Variants in EMILIN1 observed in about 807,000 individuals in gnomAD.
The protein encoded by EMILIN1 is elastin microfibril interfacer 1.
EMILIN1 carries 49 observed loss-of-function variants against 82.4 expected under a neutral mutation model. The observed-to-expected ratio is 0.59, with a 90% confidence interval of 0.47 to 0.75. The LOEUF (loss-of-function observed/expected upper bound fraction) is 0.75, where lower values mean the gene tolerates loss of function less well. EMILIN1 is among the 30% of genes least tolerant of loss of function. EMILIN1 has a pLI of 0.00. For synonymous variants in EMILIN1, 604 were observed against 602.2 expected (o/e 1.00, Z -0.04); for missense variants, 1,313 against 1,366.4 (o/e 0.96, Z 0.62).
chr2:27,083,304 G>T lies in EMILIN1; in HGVS notation c.1733G>T (p.Gly578Val), dbSNP rs778758313. Reference protein sequence around the residue: ...GQLEGLLQAHGDEGCGACGGV... With the variant: ...GQLEGLLQAHVDEGCGACGGV... ...CTGGAGGGGCTGCTGCAGGCCCATGGGGATGAGGGCTGTGGGGCCTGTGGC... is the reference window on the plus strand; with the variant it reads ...CTGGAGGGGCTGCTGCAGGCCCATGTGGATGAGGGCTGTGGGGCCTGTGGC... Residue 578 changes from glycine to valine, a missense_variant, in exon 4 of 8, where the codon GGG becomes GTG. Gly to Val is a moderately radical substitution (Grantham distance 109, BLOSUM62 -3). Coordinates refer to ENST00000380320, the MANE Select transcript of EMILIN1 (RefSeq NM_007046.4). 6.2e-7 allele frequency: 1 copy of T among 1,613,284 alleles called. No individual in the cohort carries two copies. The highest frequency in any genetic ancestry group is 1.1e-5 in the South Asian group (1 of 91,082).
Position 27,083,844 on chromosome 2 carries a change from T to TCTGGG in EMILIN1, c.2281_2285dup (p.Arg763GlyfsTer49). ...GGCCTTTCCAGACACGTGGCTGGGC[T>TCTGGG]CTGGGCTGGGCTCCGGGAAACCAAC... On this transcript the variant is annotated frameshift_variant, in exon 4 of 8. Transcript: ENST00000380320. LOFTEE classifies it high-confidence loss of function. The TCTGGG allele has an allele frequency of 6.2e-7, 1 of 1,603,282 alleles. No individual in the cohort carries two copies. Among genetic ancestry groups the TCTGGG allele is most frequent in the Non-Finnish European group, 8.5e-7 (1 of 1,172,166 alleles).
In EMILIN1 at chr2:27,078,947, A is replaced by G; in HGVS notation, c.-119A>G. 1.3e-6 allele frequency: 1 copy of G among 743,580 alleles called. No individual in the cohort carries two copies. Among genetic ancestry groups the G allele is most frequent in the East Asian group, 3.3e-5 (1 of 29,852 alleles). 46.1% of individuals were successfully genotyped at this position (743,580 alleles called of 1,614,324 possible). On this transcript the variant is annotated 5_prime_UTR_variant, in exon 1 of 8. Coordinates refer to ENST00000380320, the MANE Select transcript of EMILIN1 (RefSeq NM_007046.4). ...TGTGGCCGGGGGCTATCAGAAGGAA[A>G]CTGGGACGGACGGGCCGGGCTCGGG...
chr2:27,083,700 T>C lies in EMILIN1; in HGVS notation c.2129T>C (p.Leu710Pro), dbSNP rs1343936941. The C allele has an allele frequency of 1.9e-6, 3 of 1,613,784 alleles. No individual in the cohort carries two copies. Among genetic ancestry groups the C allele is most frequent in the African/African-American group, 2.7e-5 (2 of 74,888 alleles). Residue 710 changes from leucine to proline, a missense_variant, in exon 4 of 8, where the codon CTA becomes CCA. Coordinates refer to ENST00000380320, the MANE Select transcript of EMILIN1 (RefSeq NM_007046.4). Reference sequence around the variant, plus strand: ...GAGAGTGAAGAGCGCTTCCGAGGCCTAGAGGAGGGACAAGCACAGGCCGGC... The same window carrying C: ...GAGAGTGAAGAGCGCTTCCGAGGCCCAGAGGAGGGACAAGCACAGGCCGGC... ...ATESEERFRGLEEGQAQAGQC... is the reference protein window; with the variant it reads ...ATESEERFRGPEEGQAQAGQC...
rs762373342 is a variant in EMILIN1, at chr2:27,079,028, G to A, written c.-38G>A. The A allele has an allele frequency of 3.9e-5, 58 of 1,478,384 alleles. No individual in the cohort carries two copies. The highest frequency in any genetic ancestry group is 1.1e-4 in the East Asian group (4 of 37,776). 91.6% of individuals were successfully genotyped at this position (1,478,384 alleles called of 1,614,324 possible). On this transcript the variant is annotated 5_prime_UTR_variant, in exon 1 of 8. Transcript: ENST00000380320. ...CCGGCAGAGGCGCCAGTGGCTGGGC[G>A]GGATGAGTCTCTGAGGGCCACTGTG... is the stretch of plus-strand genomic sequence containing the variant.
chr2:27,083,131 G>T lies in EMILIN1; in HGVS notation c.1560G>T (p.Thr520=). ...GGCTGGTGGGCTCCGGCCTGCACAC[G>T]GTGGAAGCAGCGGGGGAGGCCCGGC... ...QLRLVGSGLH[T]VEAAGEARQA... is the part of the protein sequence containing the mutation. The change falls in exon 4 of 8, where the codon ACG becomes ACT. Residue 520 remains threonine, a synonymous_variant. Coordinates refer to ENST00000380320, the MANE Select transcript of EMILIN1 (RefSeq NM_007046.4). 1 of 1,586,168 alleles carries T rather than the reference G, an allele frequency of 6.3e-7. No individual in the cohort carries two copies. Among genetic ancestry groups the T allele is most frequent in the Non-Finnish European group, 8.6e-7 (1 of 1,164,864 alleles).
At position 27,080,800 on chromosome 2, in the gene EMILIN1, G is replaced by T; in HGVS notation, c.359G>T (p.Cys120Phe). 1 of 1,613,784 alleles carries T rather than the reference G, an allele frequency of 6.2e-7. No homozygotes were observed. The highest frequency in any genetic ancestry group is 8.5e-7 in the Non-Finnish European group (1 of 1,179,972). The change falls in exon 3 of 8, where the codon TGC (cysteine) becomes TTC (phenylalanine). Residue 120 changes from cysteine (C) to phenylalanine (F), a missense_variant. Physicochemically the swap from Cys to Phe is radical, Grantham distance 205 (BLOSUM62 -2). Coordinates refer to ENST00000380320, the MANE Select transcript of EMILIN1 (RefSeq NM_007046.4). Reference sequence around the variant, plus strand: ...ACAGTGACCGACATGGAGTGGAGGTGCTGTCAGGGTTATGGGGGCGATGAC... The same window carrying T: ...ACAGTGACCGACATGGAGTGGAGGTTCTGTCAGGGTTATGGGGGCGATGAC... The part of the protein sequence containing the change: ...YKTVTDMEWR[C>F]CQGYGGDDCA...
In EMILIN1 at chr2:27,082,800, T is replaced by C; in HGVS notation, c.1229T>C (p.Leu410Pro). 1 of 1,551,892 alleles carries C rather than the reference T, an allele frequency of 6.4e-7. No individual in the cohort carries two copies. The highest frequency in any genetic ancestry group is 1.2e-5 in the South Asian group (1 of 85,416). Residue 410 changes from leucine to proline, a missense_variant, in exon 4 of 8, where the codon CTG (leucine) becomes CCG (proline). By Grantham distance (98) the Leu-to-Pro change is moderately conservative. Coordinates refer to ENST00000380320, the MANE Select transcript of EMILIN1 (RefSeq NM_007046.4). ...YTSLASRLSR[L>P]EDRFNSTLGP... Reference sequence around the variant, plus strand: ...AGCTTGGCCTCCCGCCTGTCTCGCCTGGAGGACCGCTTCAACTCCACCCTG... The same window carrying C: ...AGCTTGGCCTCCCGCCTGTCTCGCCCGGAGGACCGCTTCAACTCCACCCTG...
Position 27,085,811 on chromosome 2 carries a change from G to A in EMILIN1, c.2847G>A (p.Glu949=), listed in dbSNP as rs1669612363. The change falls in exon 8 of 8, where the codon GAG becomes GAA. Residue 949 remains glutamate (E), a synonymous_variant. Coordinates refer to ENST00000380320, the MANE Select transcript of EMILIN1 (RefSeq NM_007046.4). The part of the protein sequence containing the change: ...GVARVDSGGY[E]PEGLENKPVA... ...CCCGCGTAGACTCCGGTGGCTACGA[G>A]CCTGAGGGCCTGGAGAATAAGCCGG... is the stretch of plus-strand genomic sequence containing the variant. 3 of 1,612,170 alleles carry A rather than the reference G, an allele frequency of 1.9e-6. No homozygotes were observed. The highest frequency in any genetic ancestry group is 1.7e-5 in the Admixed American group (1 of 59,960).
At position 27,080,832 on chromosome 2, in the gene EMILIN1, G is replaced by A. The variant is rs1558432695; in HGVS notation, c.391G>A (p.Glu131Lys). The change falls in exon 3 of 8, where the codon GAG becomes AAG. Residue 131 changes from glutamate (E) to lysine (K), a missense_variant. Physicochemically the swap from Glu to Lys is moderately conservative, Grantham distance 56. Transcript: ENST00000380320. ...CQGYGGDDCA[E>K]SPAPALGPAS... ...GGGTTATGGGGGCGATGACTGTGCTGAGAGTCCCGCTCCAGCGCTGGGGCC... is the reference window on the plus strand; with the variant it reads ...GGGTTATGGGGGCGATGACTGTGCTAAGAGTCCCGCTCCAGCGCTGGGGCC... 1 of 1,613,248 alleles carries A rather than the reference G, an allele frequency of 6.2e-7. No individual in the cohort carries two copies. Among genetic ancestry groups the A allele is most frequent in the Non-Finnish European group, 8.5e-7 (1 of 1,179,846 alleles).
chr2:27,079,177 GC>G lies in EMILIN1; in HGVS notation c.115del (p.Leu39SerfsTer26), dbSNP rs751000215. The G allele has an allele frequency of 6.3e-7, 1 of 1,585,310 alleles. No individual in the cohort carries two copies. The highest frequency in any genetic ancestry group is 8.5e-7 in the Non-Finnish European group (1 of 1,169,762). On this transcript the variant is annotated frameshift_variant, in exon 1 of 8. Transcript: ENST00000380320. LOFTEE classifies it high-confidence loss of function. ...CAGCCTCTACACAGGTTCCAGTGGG[GC>G]CCTCAGCCCCGGGGGGCCCCAGGCC... is the stretch of plus-strand genomic sequence containing the variant. ...GFSLYTGSSG[A>X]LSPGGPQAQI...
Position 27,083,879 on chromosome 2 carries a change from CA to C in EMILIN1, c.2309del (p.Gln770ArgfsTer40). ...AGLRETNTTS[Q>X]MQAALLEKLV... ...GCTCCGGGAAACCAACACCACCAGC[CA>C]GATGCAGGCAGCCCTGCTGGAGAAG... is the stretch of plus-strand genomic sequence containing the variant. On this transcript the variant is annotated frameshift_variant, in exon 4 of 8. Transcript: ENST00000380320. LOFTEE classifies it high-confidence loss of function. 1 of 1,609,008 alleles carries C rather than the reference CA, an allele frequency of 6.2e-7. No homozygotes were observed. Among genetic ancestry groups the C allele is most frequent in the Non-Finnish European group, 8.5e-7 (1 of 1,176,478 alleles).
Position 27,086,079 on chromosome 2 carries a change from G to T in EMILIN1, c.*64G>T, listed in dbSNP as rs1669626274. On this transcript the variant is annotated 3_prime_UTR_variant, in exon 8 of 8. Transcript: ENST00000380320. ...GACAGCGGGGGCGGCGGGCTCCTGGGGTCTCGCCTGAGACGGGGCACCTAG... is the reference window on the plus strand; with the variant it reads ...GACAGCGGGGGCGGCGGGCTCCTGGTGTCTCGCCTGAGACGGGGCACCTAG... 1.1e-5 allele frequency: 14 copies of T among 1,265,228 alleles called. No homozygotes were observed. The highest frequency in any genetic ancestry group is 1.5e-5 in the Non-Finnish European group (14 of 957,520). The allele number at this position is 1,265,228 out of a possible 1,614,324, so 78.4% of individuals were successfully genotyped here.
Position 27,082,190 on chromosome 2 carries a change from G to A in EMILIN1, c.619G>A (p.Ala207Thr). 1.2e-6 allele frequency: 2 copies of A among 1,613,674 alleles called. No individual in the cohort carries two copies. The highest frequency in any genetic ancestry group is 1.7e-6 in the Non-Finnish European group (2 of 1,180,020). The change falls in exon 4 of 8, where the codon GCA (alanine) becomes ACA (threonine). Residue 207 changes from alanine (A) to threonine (T), a missense_variant. Physicochemically the swap from Ala to Thr is moderately conservative, Grantham distance 58 (BLOSUM62 0). Coordinates refer to ENST00000380320, the MANE Select transcript of EMILIN1 (RefSeq NM_007046.4). Reference sequence around the variant, plus strand: ...CCTGCAAGGACTGAGCGGGCGCCTGGCAGAGGATGTGCAGAGGGCTGTGGA... The same window carrying A: ...CCTGCAAGGACTGAGCGGGCGCCTGACAGAGGATGTGCAGAGGGCTGTGGA... ...GVLQGLSGRL[A>T]EDVQRAVETA...
At position 27,085,667 on chromosome 2, in the gene EMILIN1, C is replaced by T. The variant is rs1031655883; in HGVS notation, c.2714-11C>T. The T allele has an allele frequency of 2.5e-6, 4 of 1,587,632 alleles. No homozygotes were observed. In the African/African-American group the frequency reaches 4.0e-5, roughly 16 times the overall value. ...TTCCCTGGCCCCCCTGACTGCTATC[C>T]TTGTCCCCAGGCGTGTTCACAGCGC... On this transcript the variant is annotated splice_polypyrimidine_tract_variant and intron_variant, in intron 7 of 7. Coordinates refer to ENST00000380320, the MANE Select transcript of EMILIN1 (RefSeq NM_007046.4).
At chr2:27,080,379 G>A (rs1164545738) in intron 2 of EMILIN1, 109 bp downstream of exon 2, 2 of 1,432,230 alleles carry the variant, frequency 1.4e-6, no homozygotes, top group Non-Finnish European at 1.9e-6. Context: ...GGCAGGACAG[G>A]GGCTAGGGTC....
chr2:27,082,634 T>C lies in EMILIN1; in HGVS notation c.1063T>C (p.Ser355Pro). Reference sequence around the variant, plus strand: ...CCGCAGGCCCCCTCAGGAATGCTGCTCTCCAGAGCTGGGCCGGCGACTGGC... The same window carrying C: ...CCGCAGGCCCCCTCAGGAATGCTGCCCTCCAGAGCTGGGCCGGCGACTGGC... ...VGRRPPQECC[S>P]PELGRRLAEL... The change falls in exon 4 of 8, where the codon TCT (serine) becomes CCT (proline). Residue 355 changes from serine (S) to proline (P), a missense_variant. Coordinates refer to ENST00000380320, the MANE Select transcript of EMILIN1 (RefSeq NM_007046.4). 3.2e-6 allele frequency: 5 copies of C among 1,546,026 alleles called. No individual in the cohort carries two copies. The highest frequency in any genetic ancestry group is 4.4e-6 in the Non-Finnish European group (5 of 1,148,112).
At chr2:27,079,863 C>T (rs1173526157) in intron 1 of EMILIN1, among the ~76,000 whole-genome samples, 2 of 152,230 alleles carry the variant, frequency 1.3e-5, no homozygotes, top group African/African-American at 2.4e-5. Context: ...AAGGGACACA[C>T]ATGATTGTGT....
chr2:27,080,712 C>T lies in EMILIN1; in HGVS notation c.291-20C>T. The T allele has an allele frequency of 6.3e-7, 1 of 1,598,670 alleles. No individual in the cohort carries two copies. On this transcript the variant is annotated intron_variant, in intron 2 of 7. Transcript: ENST00000380320. ...GACCGTACAGGGAGGAATAAAGAGGCCTCCTTCTGCCTCTGCCAGGTACCG... is the reference window on the plus strand; with the variant it reads ...GACCGTACAGGGAGGAATAAAGAGGTCTCCTTCTGCCTCTGCCAGGTACCG...
Position 27,082,904 on chromosome 2 carries a change from C to T in EMILIN1, c.1333C>T (p.Arg445Ter), listed in dbSNP as rs1266240324. The T allele has an allele frequency of 5.0e-6, 8 of 1,595,066 alleles. No homozygotes were observed. The highest frequency in any genetic ancestry group is 5.9e-6 in the Non-Finnish European group (7 of 1,177,456). ...LSHWLPAARG[R>*]LEQLGGLLAN... The stretch of plus-strand genomic sequence containing the variant: ...CCACTGGCTGCCTGCTGCCCGGGGC[C>T]GACTAGAGCAGTTGGGGGGGCTGCT... Residue 445 changes from arginine to a stop codon, truncating the protein, a stop_gained, in exon 4 of 8, where the codon CGA becomes TGA. Coordinates refer to ENST00000380320, the MANE Select transcript of EMILIN1 (RefSeq NM_007046.4). LOFTEE classifies it high-confidence loss of function.
Sources: allele counts gnomAD v4.1 joint callset (sites outside exome capture counted in the v4.1 genomes callset), GRCh38; gene constraint gnomAD v4.1.1; transcripts MANE v1.5; gene names NCBI Gene and HGNC (gene_info 2026-07-23, HGNC 2026-07-21).